ERAP1: variants seen among roughly 807,000 people sequenced by gnomAD.
ERAP1 encodes the protein adipocyte-derived leucine aminopeptidase.
Under a neutral mutation model 103.7 loss-of-function variants are expected in ERAP1, and 86 were observed. That is an observed-to-expected ratio of 0.83 (90% CI 0.70 to 0.99). The LOEUF (loss-of-function observed/expected upper bound fraction) is 0.99. Among genes scored for constraint, ERAP1 ranks in the 50% least tolerant of loss-of-function variants. The probability of loss-of-function intolerance (pLI) is 0.00; values close to 1 mark genes in which losing one functional copy is unlikely to be tolerated. For missense variants in ERAP1, 1,009 were observed against 1,128.4 expected, an observed-to-expected ratio of 0.89 and a Z score of 1.52; for synonymous variants, 398 against 402.4, an observed-to-expected ratio of 0.99 and a Z score of 0.13.
At chr5:96,907,652 C>A in the ERAP1 span, among the ~76,000 whole-genome samples, 1 of 151,346 alleles carries the variant, frequency 6.6e-6, no homozygotes, top group Non-Finnish European at 1.5e-5. Flanking sequence ...GAGGCCGAGG[C>A]GGGTGGATCA....
intron 1 of ERAP1, among the ~76,000 whole-genome samples, 182 bp from the exon 2 acceptor site, chr5:96,804,125 T>A (rs927160152): frequency 4.6e-5 from 7 of 152,230 alleles, no homozygotes; most frequent in Non-Finnish European, 1.0e-4. Context: ...AGAAAGATGT[T>A]TACAGTTAGC....
At chr5:96,878,225 C>A in the ERAP1 span, among the ~76,000 whole-genome samples, 3 of 109,000 alleles carry the variant, frequency 2.8e-5, no homozygotes, top group African/African-American at 1.1e-4. Context: ...AAGAACCGAA[C>A]CTTAAAAAAA....
Position 96,763,181 on chromosome 5 carries a change from C to G in ERAP1, c.*19G>C, listed in dbSNP as rs147841474. 864 of 780,676 alleles carry G rather than the reference C, an allele frequency of 1.1e-3. 4 individuals carry two copies. In the African/African-American group the frequency reaches 0.013, roughly 12 times the overall value. 48.4% of individuals were successfully genotyped at this position (780,676 alleles called of 1,614,324 possible). ...ATCAAAGCATATTTAGTGCTGTAGTCTGAGATTCTGATGGATTTTCATCCT... is the reference window on the plus strand; with the variant it reads ...ATCAAAGCATATTTAGTGCTGTAGTGTGAGATTCTGATGGATTTTCATCCT... On this transcript the variant is annotated 3_prime_UTR_variant, in exon 20 of 20. Transcript: ENST00000296754.
chr5:96,802,179 A>G (rs26496), intron 2 of ERAP1, among the ~76,000 whole-genome samples: 109,324 of 151,898 alleles, frequency 0.72, 39,917 homozygotes, highest in Non-Finnish European at 0.79. Context: ...AATTTACAAA[A>G]ATGCTCATCA....
the ERAP1 span, among the ~76,000 whole-genome samples, chr5:96,847,770 A>G: frequency 6.6e-6 from 1 of 152,206 alleles, no homozygotes; most frequent in African/African-American, 2.4e-5. Context: ...ATATCTTAAG[A>G]TAAGCAAAAA....
intron 8 of ERAP1, among the ~76,000 whole-genome samples, chr5:96,790,937 T>C (rs756993546): frequency 6.6e-6 from 1 of 152,178 alleles, no homozygotes; most frequent in Non-Finnish European, 1.5e-5. Flanking sequence ...TTTGTTCACA[T>C]GTGAGTGGGG....
At chr5:96,899,348 AG>A in the ERAP1 span, among the ~76,000 whole-genome samples, 64 of 152,308 alleles carry the variant, frequency 4.2e-4, no homozygotes, top group Non-Finnish European at 1.0e-4. Context: ...CTGACACCAA[AG>A]GGCCCTGTAG....
At chr5:96,863,388 TTC>T in the ERAP1 span, among the ~76,000 whole-genome samples, 1 of 152,174 alleles carries the variant, frequency 6.6e-6, no homozygotes, top group Non-Finnish European at 1.5e-5. Context: ...GTTAAGCGGT[TTC>T]TCTCAGAGGC....
At chr5:96,870,743 A>T in the ERAP1 span, among the ~76,000 whole-genome samples, 1 of 152,128 alleles carries the variant, frequency 6.6e-6, no homozygotes, top group Non-Finnish European at 1.5e-5. Context: ...AACACAGATA[A>T]GTTACTTGAG....
In ERAP1 at chr5:96,785,463, A is replaced by G. The variant is rs1444372563; in HGVS notation, c.1943+325T>C. Reference sequence around the variant, plus strand: ...GATCCGGTATAGCGGGGCCAGAAGAAGCTGCGGGACCATGCCGCGGGGACA... The same window carrying G: ...GATCCGGTATAGCGGGGCCAGAAGAGGCTGCGGGACCATGCCGCGGGGACA... On this transcript the variant is annotated intron_variant, in intron 13 of 18. Coordinates refer to ENST00000443439, the MANE Select transcript of ERAP1 (RefSeq NM_001040458.3). The G allele has an allele frequency of 7.8e-5, 29 of 371,508 alleles. No individual in the cohort carries two copies. The Admixed American group carries it at 1.1e-3, about 14-fold the overall frequency. The allele number at this position is 371,508 out of a possible 1,614,324, so 23.0% of individuals were successfully genotyped here.
intron 19 of ERAP1, among the ~76,000 whole-genome samples, chr5:96,763,938 C>G (rs1768884516): frequency 6.7e-6 from 1 of 148,712 alleles, no homozygotes; most frequent in Non-Finnish European, 1.5e-5. Flanking sequence ...AAGCAACTGA[C>G]TTAGCTTCCC....
the ERAP1 span, among the ~76,000 whole-genome samples, chr5:96,915,459 T>C: frequency 4.1e-5 from 6 of 145,202 alleles, no homozygotes; most frequent in African/African-American, 1.3e-4. Flanking sequence ...TAACTAACCA[T>C]ATTTCCCAAA....
In ERAP1 at chr5:96,786,397, A is replaced by G. The variant is rs981584602; in HGVS notation, c.1759+73T>C. 4 of 1,053,052 alleles carry G rather than the reference A, an allele frequency of 3.8e-6. No homozygotes were observed. The African/African-American group carries it at 6.3e-5, about 17-fold the overall frequency. The allele number at this position is 1,053,052 out of a possible 1,614,324, so 65.2% of individuals were successfully genotyped here. A position where few individuals can be genotyped will look rare whatever the true frequency, so the allele number is the denominator to read the frequency against. On this transcript the variant is annotated intron_variant, in intron 12 of 18. Transcript: ENST00000443439. ...TGCTTTAACCAAGATAAATAGCAAA[A>G]GAAACAGCACTTTAATCCTACACAT...
chr5:96,862,461 C>G, the ERAP1 span, among the ~76,000 whole-genome samples: 1 of 152,162 alleles, frequency 6.6e-6, no homozygotes, highest in African/African-American at 2.4e-5. Flanking sequence ...TGAAGATGGC[C>G]TGAGAATCAG....
the ERAP1 span, among the ~76,000 whole-genome samples, chr5:96,877,824 T>G: frequency 1.3e-5 from 2 of 151,202 alleles, no homozygotes; most frequent in Non-Finnish European, 2.9e-5. Context: ...TAGCAGTAAT[T>G]TAATGCTTGT....
At chr5:96,806,261 C>A (rs1778581950) in intron 1 of ERAP1, among the ~76,000 whole-genome samples, 1 of 151,930 alleles carries the variant, frequency 6.6e-6, no homozygotes, top group South Asian at 2.1e-4. Flanking sequence ...TCTGGTTTTA[C>A]TAACAATTTT....
chr5:96,825,040 C>A, the ERAP1 span, among the ~76,000 whole-genome samples: 2 of 152,058 alleles, frequency 1.3e-5, no homozygotes, highest in African/African-American at 4.8e-5. Flanking sequence ...AAGACCCTGT[C>A]TCAAAAATAA....
At chr5:96,867,628 A>G in the ERAP1 span, among the ~76,000 whole-genome samples, 3 of 152,214 alleles carry the variant, frequency 2.0e-5, no homozygotes, top group Non-Finnish European at 2.9e-5. Flanking sequence ...TGGGCCTGGG[A>G]TTCCTCATAG....
intron 4 of ERAP1, among the ~76,000 whole-genome samples, chr5:96,796,101 C>T (rs992695751): frequency 1.3e-5 from 2 of 152,150 alleles, no homozygotes; most frequent in Non-Finnish European, 2.9e-5. Flanking sequence ...GAGTCTCAAG[C>T]GTCACCTTCA....
Sources: allele counts gnomAD v4.1 joint callset (sites outside exome capture counted in the v4.1 genomes callset), GRCh38; gene constraint gnomAD v4.1.1; transcripts MANE v1.5; gene names NCBI Gene and HGNC (gene_info 2026-07-23, HGNC 2026-07-21).